Variants in NETO1 observed in about 807,000 individuals in gnomAD.
NETO1 encodes the protein neuropilin and tolloid-like protein 1.
Under a neutral mutation model 61.3 loss-of-function variants are expected in NETO1, and 26 were observed. The observed-to-expected ratio is 0.42, with a 90% CI of 0.31 to 0.59. The LOEUF (loss-of-function observed/expected upper bound fraction) is 0.59, where lower values mean the gene tolerates loss of function less well. NETO1 is among the 20% of genes least tolerant of loss of function. NETO1 has a pLI of 0.12. For missense variants in NETO1, 531 were observed against 662.8 expected (o/e 0.80, Z 2.18); for synonymous variants, 225 against 225.8 (o/e 1.00, Z 0.03).
intron 7 of NETO1, among the ~76,000 whole-genome samples, chr18:72,774,106 G>A (rs558043285): frequency 5.2e-4 from 79 of 152,088 alleles, no homozygotes; most frequent in South Asian, 3.3e-3. Context: ...TATTTTATAT[G>A]TCTGTTTTTA....
rs529950112 is a variant in NETO1, at chr18:72,756,373, T to C, written c.869-226A>G. On this transcript the variant is annotated intron_variant, in intron 7 of 10. Transcript: ENST00000327305. ...AGAGGCTCAGCTTGTAAAAATGCCA[T>C]AGGGTATTTTCCATCATTAAAATGA... Among the ~76,000 whole-genome samples, 3 of 152,294 alleles carry C rather than the reference T, an allele frequency of 2.0e-5. No homozygotes were observed. In the South Asian group the frequency reaches 6.2e-4, roughly 32 times the overall value.
chr18:72,809,384 A>G (rs556081508), intron 4 of NETO1, among the ~76,000 whole-genome samples: 43 of 152,344 alleles, frequency 2.8e-4, no homozygotes, highest in African/African-American at 9.6e-4. Flanking sequence ...CCTGTATGTA[A>G]CTAACACTTA....
chr18:72,831,484 T>C (rs2073577858), intron 4 of NETO1, among the ~76,000 whole-genome samples: 1 of 152,208 alleles, frequency 6.6e-6, no homozygotes, highest in African/African-American at 2.4e-5. Context: ...AACATCTCTG[T>C]AATTCTGAAG....
At chr18:72,865,156 T>A (rs1270784799) in intron 2 of NETO1, 32 bp downstream of exon 2, 1 of 1,593,876 alleles carries the variant, frequency 6.3e-7, no homozygotes, top group Admixed American at 1.7e-5. Flanking sequence ...TAATTCGAGG[T>A]CTTCCACTAG....
intron 4 of NETO1, among the ~76,000 whole-genome samples, chr18:72,795,717 C>T (rs1328284804): frequency 3.9e-5 from 6 of 152,070 alleles, no homozygotes; most frequent in Admixed American, 2.6e-4. Context: ...AGATAATTCA[C>T]GTCTTACCAC....
Position 72,746,339 on chromosome 18 carries a change from A to G in NETO1, c.*1840T>C, listed in dbSNP as rs1054942531. Among the ~76,000 whole-genome samples, 2 of 152,166 alleles carry G rather than the reference A, an allele frequency of 1.3e-5. No individual in the cohort carries two copies. The highest frequency in any genetic ancestry group is 2.9e-5 in the Non-Finnish European group (2 of 68,010). On this transcript the variant is annotated 3_prime_UTR_variant, in exon 11 of 11. Coordinates refer to ENST00000327305, the MANE Select transcript of NETO1 (RefSeq NM_138966.5). ...TAAATTAAAGGGCAAAAAAGGAACC[A>G]TGGTAATAAATAAACCAGTCAAGCC...
intron 3 of NETO1, among the ~76,000 whole-genome samples, chr18:72,863,146 G>A (rs2074630486): frequency 6.6e-6 from 1 of 152,104 alleles, no homozygotes; most frequent in South Asian, 2.1e-4. Flanking sequence ...TTTATCCAGT[G>A]GGCACAGAAG....
intron 4 of NETO1, among the ~76,000 whole-genome samples, chr18:72,841,868 T>C (rs2073945487): frequency 6.6e-6 from 1 of 152,100 alleles, no homozygotes; most frequent in African/African-American, 2.4e-5. Context: ...CTGTGTCACA[T>C]GCTCTGCCAC....
intron 4 of NETO1, among the ~76,000 whole-genome samples, chr18:72,818,017 G>A (rs1216472722): frequency 6.6e-6 from 1 of 152,050 alleles, no homozygotes; most frequent in Non-Finnish European, 1.5e-5. Flanking sequence ...TTGCAACTCG[G>A]GCTTATAAAA....
chr18:72,782,260 C>T (rs2071768094), intron 7 of NETO1, among the ~76,000 whole-genome samples: 3 of 152,142 alleles, frequency 2.0e-5, no homozygotes, highest in Non-Finnish European at 4.4e-5. Context: ...GGAAAGGCAT[C>T]TCATTTGATT....
chr18:72,819,686 G>A (rs778203001), intron 4 of NETO1, among the ~76,000 whole-genome samples: 1 of 152,002 alleles, frequency 6.6e-6, no homozygotes, highest in Non-Finnish European at 1.5e-5. Context: ...CCTGAAATTT[G>A]TTATTGGAAA....
At chr18:72,775,700 G>T (rs189812252) in intron 7 of NETO1, among the ~76,000 whole-genome samples, 42 of 152,228 alleles carry the variant, frequency 2.8e-4, no homozygotes, top group African/African-American at 9.9e-4. Context: ...TTCGAGCTCT[G>T]TCTCAGAAGT....
chr18:72,819,021 T>C (rs1174392268), intron 4 of NETO1, among the ~76,000 whole-genome samples: 1 of 152,220 alleles, frequency 6.6e-6, no homozygotes, highest in Non-Finnish European at 1.5e-5. Flanking sequence ...CATAAGAAAC[T>C]CTATAGAGCT....
Position 72,750,444 on chromosome 18 carries a change from C to A in NETO1, c.1159G>T (p.Val387Leu). Residue 387 changes from valine (V) to leucine (L), a missense_variant, in exon 9 of 11, where the codon GTA becomes TTA. By Grantham distance (32) the Val-to-Leu change is conservative. Coordinates refer to ENST00000327305, the MANE Select transcript of NETO1 (RefSeq NM_138966.5). ...AACTCATAATGAGGAGGTTCAAATA[C>A]CTCCTGGAAAACTGTCTGGTCAAAG... The part of the protein sequence containing the change: ...SDFDQTVFQE[V>L]FEPPHYELCT... 3 of 1,614,128 alleles carry A rather than the reference C, an allele frequency of 1.9e-6. No homozygotes were observed. Among genetic ancestry groups the A allele is most frequent in the Non-Finnish European group, 2.5e-6 (3 of 1,180,016 alleles).
At chr18:72,750,690 T>G (rs1020965033) in intron 8 of NETO1, 70 bp from the exon 9 acceptor site, 1 of 1,117,032 alleles carries the variant, frequency 9.0e-7, no homozygotes, top group Non-Finnish European at 1.3e-6. Flanking sequence ...ATTAATATTA[T>G]AGTCAAAATG....
chr18:72,858,731 T>G, intron 4 of NETO1, 95 bp downstream of exon 4: 5 of 1,213,104 alleles, frequency 4.1e-6, no homozygotes, highest in Non-Finnish European at 5.7e-6. Flanking sequence ...GAACATTCTC[T>G]GAGAAAGTAT....
chr18:72,804,659 A>G (rs1397439302), intron 4 of NETO1, among the ~76,000 whole-genome samples: 1 of 152,206 alleles, frequency 6.6e-6, no homozygotes, highest in East Asian at 1.9e-4. Flanking sequence ...GTATGCCATT[A>G]TATCACAGAA....
Position 72,747,545 on chromosome 18 carries a change from G to T in NETO1, c.*634C>A, listed in dbSNP as rs1312290373. The stretch of plus-strand genomic sequence containing the variant: ...TGATATAAAACAAAAAGGAAATCAG[G>T]GGTATACAGGAAAGACCAAAAAATG... On this transcript the variant is annotated 3_prime_UTR_variant, in exon 11 of 11. Coordinates refer to ENST00000327305, the MANE Select transcript of NETO1 (RefSeq NM_138966.5). 6.6e-6 allele frequency: 1 copy of T among 151,970 alleles called. No homozygotes were observed. Among genetic ancestry groups the T allele is most frequent in the Non-Finnish European group, 1.5e-5 (1 of 67,954 alleles). 9.4% of individuals were successfully genotyped at this position (151,970 alleles called of 1,614,324 possible).
At chr18:72,856,395 T>C (rs959419519) in intron 4 of NETO1, among the ~76,000 whole-genome samples, 7 of 152,178 alleles carry the variant, frequency 4.6e-5, no homozygotes, top group African/African-American at 1.7e-4. Context: ...TGTTTTTAAG[T>C]CTGAGACACT....
Sources: allele counts gnomAD v4.1 joint callset (sites outside exome capture counted in the v4.1 genomes callset), GRCh38; gene constraint gnomAD v4.1.1; transcripts MANE v1.5; gene names NCBI Gene and HGNC (gene_info 2026-07-23, HGNC 2026-07-21).